The following BTRC variants were observed in gnomAD, a reference collection of about 807,000 sequenced individuals.
The protein encoded by BTRC is F-box/WD repeat-containing protein 1A.
A neutral mutation model predicts 85.5 loss-of-function variants in BTRC; 42 were observed. The ratio of observed to expected loss-of-function variants is 0.49; its 90% CI spans 0.38 to 0.64. The LOEUF (loss-of-function observed/expected upper bound fraction) is 0.64, where lower values mean the gene tolerates loss of function less well. Ranked by LOEUF, BTRC falls within the 30% of genes least tolerant of loss-of-function variation. The pLI is 0.00. For synonymous variants in BTRC, 255 were observed against 263.3 expected (o/e 0.97, Z 0.30); for missense variants, 594 against 743.5 (o/e 0.80, Z 2.34).
chr10:101,524,564 T>C (rs2062163201), intron 5 of BTRC, among the ~76,000 whole-genome samples: 1 of 152,214 alleles, frequency 6.6e-6, no homozygotes, highest in African/African-American at 2.4e-5. Context: ...ATTAATGTAA[T>C]GGGTTTGTTT....
rs762240183 is a variant in BTRC at position 101,400,761 on chromosome 10, T to C, written c.49-29584T>C. Among the ~76,000 whole-genome samples the C allele has an allele frequency of 3.6e-4, 55 of 152,174 alleles. 1 individual carries two copies. The highest frequency in any genetic ancestry group is 1.2e-3 in the Admixed American group (18 of 15,270). ...TGCTATGAACAAACATGTAAATCCATCTAGGGGAAGAAAAGAGTGTTGCAA... is the reference window on the plus strand; with the variant it reads ...TGCTATGAACAAACATGTAAATCCACCTAGGGGAAGAAAAGAGTGTTGCAA... On this transcript the variant is annotated intron_variant, in intron 1 of 14. Transcript: ENST00000370187.
At chr10:101,384,721 A>C (rs1943023504) in intron 1 of BTRC, among the ~76,000 whole-genome samples, 2 of 152,142 alleles carry the variant, frequency 1.3e-5, no homozygotes, top group African/African-American at 2.4e-5. Flanking sequence ...ACCTAGAAAG[A>C]GTGGTTTCTG....
chr10:101,508,709 T>C (rs1946605403), intron 4 of BTRC, among the ~76,000 whole-genome samples: 1 of 151,984 alleles, frequency 6.6e-6, no homozygotes, highest in South Asian at 2.1e-4. Context: ...GGTCAGGAGA[T>C]CAAGACCACC....
intron 4 of BTRC, among the ~76,000 whole-genome samples, chr10:101,498,838 A>G (rs998265638): frequency 2.0e-5 from 3 of 152,064 alleles, no homozygotes; most frequent in African/African-American, 7.2e-5. Flanking sequence ...TAAAAATACA[A>G]AAAAAGTAGC....
At chr10:101,463,892 C>CT (rs907236256) in intron 3 of BTRC, among the ~76,000 whole-genome samples, 11 of 150,876 alleles carry the variant, frequency 7.3e-5, no homozygotes, top group Middle Eastern at 6.8e-3. Context: ...ATGAACACTT[C>CT]TTTTTTTTAT....
rs1312355828 is a variant in BTRC at position 101,527,787 on chromosome 10, C to CA, written c.743+1588_743+1589insA. ...TCTCTCTCTCTCTCTCTCTCTCTCT[C>CA]TCTCACATACACACACACACACACA... On this transcript the variant is annotated intron_variant, in intron 6 of 14. Coordinates refer to ENST00000370187, the MANE Select transcript of BTRC (RefSeq NM_033637.4). Among the ~76,000 whole-genome samples the CA allele has an allele frequency of 7.6e-3, 1,086 of 142,518 alleles. 7 individuals carry two copies. Among genetic ancestry groups the CA allele is most frequent in the South Asian group, 0.012 (54 of 4,582 alleles). 93.5% of individuals were successfully genotyped at this position (142,518 alleles called of 152,430 possible).
intron 4 of BTRC, among the ~76,000 whole-genome samples, chr10:101,511,189 C>T (rs2061948208): frequency 6.6e-6 from 1 of 152,130 alleles, no homozygotes; most frequent in African/African-American, 2.4e-5. Context: ...CACCATTTTT[C>T]CTTAATTCCC....
intron 1 of BTRC, among the ~76,000 whole-genome samples, chr10:101,373,181 A>G (rs1329380418): frequency 1.3e-5 from 2 of 152,270 alleles, no homozygotes; most frequent in African/African-American, 4.8e-5. Context: ...AGCTATAAAC[A>G]TGTGAATACT....
At chr10:101,397,919 A>G (rs375303578) in intron 1 of BTRC, among the ~76,000 whole-genome samples, 28 of 152,194 alleles carry the variant, frequency 1.8e-4, no homozygotes, top group East Asian at 7.7e-4. Context: ...TCTGTAATCA[A>G]AGCTTCTTAA....
intron 1 of BTRC, among the ~76,000 whole-genome samples, chr10:101,370,772 A>C (rs1215620823): frequency 6.6e-6 from 1 of 151,458 alleles, no homozygotes; most frequent in Admixed American, 6.6e-5. Flanking sequence ...AGGTTTCTTC[A>C]TGTTGTCCAG....
At chr10:101,374,179 A>G (rs1202451283) in intron 1 of BTRC, among the ~76,000 whole-genome samples, 1 of 152,070 alleles carries the variant, frequency 6.6e-6, no homozygotes, top group Non-Finnish European at 1.5e-5. Context: ...AGTCCCACCA[A>G]CAGTGTAAAA....
chr10:101,388,106 G>A (rs940239337), intron 1 of BTRC, among the ~76,000 whole-genome samples: 1 of 152,136 alleles, frequency 6.6e-6, no homozygotes, highest in African/African-American at 2.4e-5. Context: ...ACCAAAGTAT[G>A]GAGTTACTTC....
At chr10:101,371,817 T>G (rs1942643100) in intron 1 of BTRC, among the ~76,000 whole-genome samples, 1 of 152,116 alleles carries the variant, frequency 6.6e-6, no homozygotes, top group African/African-American at 2.4e-5. Context: ...TGGTGTGAGG[T>G]AGACGTCAGC....
chr10:101,365,340 T>G (rs1282316078), intron 1 of BTRC, among the ~76,000 whole-genome samples: 2 of 151,430 alleles, frequency 1.3e-5, no homozygotes, highest in Admixed American at 1.3e-4. Context: ...TCCAAAGTGC[T>G]GGGATTACTG....
intron 3 of BTRC, among the ~76,000 whole-genome samples, chr10:101,465,406 T>C (rs1589504369): frequency 6.6e-6 from 1 of 152,318 alleles, no homozygotes; most frequent in African/African-American, 2.4e-5. Context: ...TATTTAAATA[T>C]TGGAGGAGCA....
intron 2 of BTRC, among the ~76,000 whole-genome samples, chr10:101,459,271 C>T (rs1231389269): frequency 1.3e-5 from 2 of 152,126 alleles, no homozygotes; most frequent in Non-Finnish European, 2.9e-5. Flanking sequence ...CTGAGCTTTC[C>T]TGGGTGATGT....
intron 4 of BTRC, among the ~76,000 whole-genome samples, chr10:101,505,857 C>T (rs1029562483): frequency 2.0e-5 from 3 of 151,788 alleles, no homozygotes; most frequent in Non-Finnish European, 4.4e-5. Context: ...AACAAAATGA[C>T]TCAGATTTGA....
chr10:101,501,124 C>T (rs377018854), intron 4 of BTRC, among the ~76,000 whole-genome samples: 5 of 150,992 alleles, frequency 3.3e-5, no homozygotes, highest in East Asian at 1.9e-4. Context: ...ACCTGCGGGG[C>T]AGAGGTTGCA....
intron 5 of BTRC, among the ~76,000 whole-genome samples, chr10:101,522,387 A>AAC (rs2062126546): frequency 1.5e-5 from 2 of 137,622 alleles, no homozygotes; most frequent in African/African-American, 5.2e-5. Context: ...CAAAAAAAAA[A>AAC]AAACTCTAGA....
Sources: allele counts gnomAD v4.1 joint callset (sites outside exome capture counted in the v4.1 genomes callset), GRCh38; gene constraint gnomAD v4.1.1; transcripts MANE v1.5; gene names NCBI Gene and HGNC (gene_info 2026-07-23, HGNC 2026-07-21).